The following DENND2C variants were observed in gnomAD, a reference collection of about 807,000 sequenced individuals.
The protein encoded by DENND2C is DENN domain-containing protein 2C.
Under a neutral mutation model 112.4 loss-of-function variants are expected in DENND2C, and 72 were observed. The ratio of observed to expected loss-of-function variants is 0.64; its 90% confidence interval spans 0.53 to 0.78. The LOEUF (loss-of-function observed/expected upper bound fraction) is 0.78, where lower values mean the gene tolerates loss of function less well. Among genes scored for constraint, DENND2C ranks in the 30% least tolerant of loss-of-function variants. The probability of loss-of-function intolerance (pLI) is 0.00; values close to 1 mark genes in which losing one functional copy is unlikely to be tolerated. For missense variants in DENND2C, 992 were observed against 1,113.8 expected, an observed-to-expected ratio of 0.89 and a Z score of 1.56; for synonymous variants, 329 against 381.6, an observed-to-expected ratio of 0.86 and a Z score of 1.61.
In DENND2C at chr1:114,594,505, T is replaced by G. The variant is rs763083664; in HGVS notation, c.2399A>C (p.Glu800Ala). The change falls in exon 18 of 21, where the codon GAA becomes GCA. Residue 800 changes from glutamate to alanine, a missense_variant. Around this residue, in one of 3 missense-constraint regions of DENND2C, gnomAD observed 516 missense variants for 623.6 expected, o/e 0.83. Transcript: ENST00000393274. The stretch of plus-strand genomic sequence containing the variant: ...AAAATTCTGCTCCTGAGTCAAGATT[T>G]CATTTCGTTCTTCCAAAATCTGCAT... ...ALMQILEERN[E>A]ILTQEQNFSQ... The G allele has an allele frequency of 3.1e-6, 5 of 1,614,090 alleles. No homozygotes were observed. The highest frequency in any genetic ancestry group is 4.2e-6 in the Non-Finnish European group (5 of 1,180,000).
At chr1:114,657,934 A>G (rs368692425) in intron 1 of DENND2C, among the ~76,000 whole-genome samples, 3 of 152,248 alleles carry the variant, frequency 2.0e-5, no homozygotes, top group African/African-American at 7.2e-5. Context: ...ATGGGCCTCC[A>G]ATGGGACCGG....
In DENND2C at chr1:114,587,388, A is replaced by C; in HGVS notation, c.2754T>G (p.Leu918=). The C allele has an allele frequency of 1.2e-6, 2 of 1,614,144 alleles. No individual in the cohort carries two copies. The highest frequency in any genetic ancestry group is 1.7e-6 in the Non-Finnish European group (2 of 1,180,022). The change falls in exon 20 of 21, where the codon CTT becomes CTG. Residue 918 remains leucine, a splice_region_variant and synonymous_variant. Coordinates refer to ENST00000393274, the MANE Select transcript of DENND2C (RefSeq NM_001256404.2). ...PSGMNRILRS[L]GSKMKFLQKK ...TAACAGGAAAACACAGCAACTAACCAAGACTCCGCAAAATTCTATTCATCC... is the reference window on the plus strand; with the variant it reads ...TAACAGGAAAACACAGCAACTAACCCAGACTCCGCAAAATTCTATTCATCC...
At chr1:114,622,191 G>C in intron 6 of DENND2C, 126 bp from the exon 7 acceptor site, 6 of 980,304 alleles carry the variant, frequency 6.1e-6, no homozygotes, top group Non-Finnish European at 8.7e-6. Flanking sequence ...ATGGCTCATT[G>C]CAGCCTTGAT....
chr1:114,643,268 A>C (rs1656894772), intron 3 of DENND2C, among the ~76,000 whole-genome samples: 1 of 152,210 alleles, frequency 6.6e-6, no homozygotes, highest in Admixed American at 6.5e-5. Flanking sequence ...AACAACATAA[A>C]TTCTGCTCAG....
chr1:114,604,744 ATT>A (rs1233434981), intron 11 of DENND2C, among the ~76,000 whole-genome samples, 176 bp downstream of exon 11: 1 of 144,716 alleles, frequency 6.9e-6, no homozygotes, highest in East Asian at 2.0e-4. Context: ...CCACGTTTTT[ATT>A]TTTTTAAGCC....
At chr1:114,587,991 C>T in intron 18 of DENND2C, 39 bp from the exon 19 acceptor site, 1 of 1,563,908 alleles carries the variant, frequency 6.4e-7, no homozygotes. Flanking sequence ...AAAAAATCTC[C>T]TCAGTTATCT....
intron 10 of DENND2C, among the ~76,000 whole-genome samples, chr1:114,606,822 T>C (rs934169334): frequency 2.0e-5 from 3 of 152,156 alleles, no homozygotes; most frequent in Non-Finnish European, 4.4e-5. Flanking sequence ...GTTTCCTCTC[T>C]GGGTAGCTGC....
chr1:114,613,325 A>T (rs1030432686), intron 8 of DENND2C, among the ~76,000 whole-genome samples: 4 of 152,194 alleles, frequency 2.6e-5, no homozygotes, highest in African/African-American at 9.7e-5. Flanking sequence ...GTGCACATGA[A>T]ATTTTCTAGG....
chr1:114,609,404 C>A (rs1184371118), intron 9 of DENND2C, among the ~76,000 whole-genome samples: 3 of 152,154 alleles, frequency 2.0e-5, no homozygotes, highest in African/African-American at 7.2e-5. Context: ...TCTCTCCTTG[C>A]CACATATTAC....
chr1:114,627,881 G>A (rs1276048474), intron 3 of DENND2C, among the ~76,000 whole-genome samples: 1 of 152,026 alleles, frequency 6.6e-6, no homozygotes, highest in Non-Finnish European at 1.5e-5. Context: ...GAAGTCCCTA[G>A]AGGTTTTTGG....
At chr1:114,614,487 T>C (rs1399084597) in intron 8 of DENND2C, among the ~76,000 whole-genome samples, 1 of 152,206 alleles carries the variant, frequency 6.6e-6, no homozygotes, top group Non-Finnish European at 1.5e-5. Context: ...GCTTATTTTA[T>C]TTGAGCCACA....
chr1:114,592,180 C>T (rs1408684191), intron 18 of DENND2C, among the ~76,000 whole-genome samples: 6 of 152,014 alleles, frequency 3.9e-5, no homozygotes, highest in Admixed American at 1.3e-4. Context: ...CCACCGTGCC[C>T]GGCCCTAGTA....
At chr1:114,633,577 G>GTGT (rs1656560751) in intron 3 of DENND2C, among the ~76,000 whole-genome samples, 1 of 150,902 alleles carries the variant, frequency 6.6e-6, no homozygotes, top group African/African-American at 2.4e-5. Flanking sequence ...TGTTAAAGTT[G>GTGT]TGTTATAAAC....
At chr1:114,590,116 A>G (rs1655143826) in intron 18 of DENND2C, among the ~76,000 whole-genome samples, 2 of 152,176 alleles carry the variant, frequency 1.3e-5, no homozygotes. Context: ...AGCTGGGTGC[A>G]GCTAAAATGG....
In DENND2C at chr1:114,585,578, A is replaced by G. The variant is rs776660967; in HGVS notation, c.*22T>C. ...CTTTGGCACTTTCTGTTGTATATTC[A>G]GGATGGAGACAATCAGAGATTTCAT... On this transcript the variant is annotated 3_prime_UTR_variant, in exon 21 of 21. Transcript: ENST00000393274. The G allele has an allele frequency of 2.0e-5, 32 of 1,613,058 alleles. No individual in the cohort carries two copies. The South Asian group carries it at 3.0e-4, about 15-fold the overall frequency.
At chr1:114,665,530 T>C (rs1244407604) in intron 1 of DENND2C, among the ~76,000 whole-genome samples, 1 of 152,212 alleles carries the variant, frequency 6.6e-6, no homozygotes, top group Non-Finnish European at 1.5e-5. Flanking sequence ...TAACTTATGA[T>C]GGGGTTACAT....
chr1:114,648,794 G>A (rs1299953273), intron 2 of DENND2C, among the ~76,000 whole-genome samples: 1 of 152,130 alleles, frequency 6.6e-6, no homozygotes, highest in Non-Finnish European at 1.5e-5. Context: ...AGGCACAACA[G>A]TCAAATGAGA....
chr1:114,657,255 T>TTTTG (rs144399933), intron 1 of DENND2C, among the ~76,000 whole-genome samples: 12 of 152,214 alleles, frequency 7.9e-5, no homozygotes, highest in African/African-American at 2.7e-4. Context: ...CATTTTTTTC[T>TTTTG]TTTGTTTGTT....
chr1:114,589,927 A>C (rs1335781542), intron 18 of DENND2C, among the ~76,000 whole-genome samples: 1 of 152,178 alleles, frequency 6.6e-6, no homozygotes, highest in Non-Finnish European at 1.5e-5. Flanking sequence ...TTTCCAACAG[A>C]GTGACCATGG....
Sources: allele counts gnomAD v4.1 joint callset (sites outside exome capture counted in the v4.1 genomes callset), GRCh38; gene constraint gnomAD v4.1.1; regional missense constraint gnomAD v4.1.1; transcripts MANE v1.5; gene names NCBI Gene and HGNC (gene_info 2026-07-23, HGNC 2026-07-21).